Variants in PIGT observed in about 807,000 individuals in gnomAD.
PIGT encodes the protein GPI-anchor transamidase component PIGT.
PIGT carries 57 observed loss-of-function variants against 66.7 expected under a neutral mutation model. That is an observed-to-expected ratio of 0.86 (90% CI 0.69 to 1.07). The LOEUF (loss-of-function observed/expected upper bound fraction) is 1.07. Ranked by LOEUF, PIGT falls within the 50% of genes least tolerant of loss-of-function variation. The pLI, the probability that PIGT is intolerant of heterozygous loss-of-function variation, is 0.00. For synonymous variants in PIGT, 362 were observed against 320.5 expected (o/e 1.13, Z -1.38); for missense variants, 725 against 740.4 (o/e 0.98, Z 0.24).
chr20:45,416,400 G>T, intron 1 of PIGT, 57 bp downstream of exon 1: 1 of 1,550,000 alleles, frequency 6.5e-7, no homozygotes. Flanking sequence ...TGGCTGGCCG[G>T]CCGTGGGATG....
chr20:45,419,215 G>A, intron 3 of PIGT, 80 bp from the exon 4 acceptor site: 1 of 1,243,688 alleles, frequency 8.0e-7, no homozygotes, highest in Non-Finnish European at 1.2e-6. Flanking sequence ...GGAGCAGGAG[G>A]GTCATTCCCA....
Position 45,425,865 on chromosome 20 carries a change from C to T in PIGT, c.*39C>T. On this transcript the variant is annotated 3_prime_UTR_variant, in exon 12 of 12. Transcript: ENST00000279036. Reference sequence around the variant, plus strand: ...CAGCAGCTGCAGCTGCCGTTTCTCTCTGGGGAGGGGAGCCCAAGGGCTGTT... The same window carrying T: ...CAGCAGCTGCAGCTGCCGTTTCTCTTTGGGGAGGGGAGCCCAAGGGCTGTT... 1 of 1,599,462 alleles carries T rather than the reference C, an allele frequency of 6.3e-7. No homozygotes were observed.
At position 45,421,410 on chromosome 20, in the gene PIGT, C is replaced by T. The variant is rs146896700; in HGVS notation, c.1061C>T (p.Ala354Val). The change falls in exon 9 of 12, where the codon GCC becomes GTC. Residue 354 changes from alanine (A) to valine (V), a missense_variant. Physicochemically the swap from Ala to Val is moderately conservative, Grantham distance 64 (BLOSUM62 0). Around this residue, in one of 3 missense-constraint regions of PIGT, gnomAD observed 559 missense variants for 552.7 expected, o/e 1.01. Coordinates refer to ENST00000279036, the MANE Select transcript of PIGT (RefSeq NM_015937.6). ...GCCCCCCCAGTGCCCTTCCTGCATGCCCAGCGGTACGTGAGTGGCTATGGG... is the reference window on the plus strand; with the variant it reads ...GCCCCCCCAGTGCCCTTCCTGCATGTCCAGCGGTACGTGAGTGGCTATGGG... ...NEAPPVPFLH[A>V]QRYVSGYGLQ... 5.8e-4 allele frequency: 938 copies of T among 1,614,084 alleles called. 5 individuals carry two copies. The African/African-American group carries it at 0.011, about 19-fold the overall frequency.
intron 8 of PIGT, 167 bp from the exon 9 acceptor site, chr20:45,421,216 G>C (rs1339333303): frequency 3.3e-6 from 2 of 614,716 alleles, no homozygotes; most frequent in Non-Finnish European, 5.7e-6. Flanking sequence ...TCGCTTGTTG[G>C]CTGGGGAAGA....
intron 2 of PIGT, 101 bp from the exon 3 acceptor site, chr20:45,418,751 T>C (rs1184624708): frequency 2.1e-6 from 3 of 1,446,390 alleles, no homozygotes; most frequent in Non-Finnish European, 2.9e-6. Flanking sequence ...TAGTTAAGAA[T>C]ACAGCCTCCT....
Position 45,420,534 on chromosome 20 carries a change from G to A in PIGT, c.874G>A (p.Glu292Lys), listed in dbSNP as rs529038853. The change falls in exon 8 of 12, where the codon GAG (glutamate) becomes AAG (lysine). Residue 292 changes from glutamate to lysine, a missense_variant. Physicochemically the swap from Glu to Lys is moderately conservative, Grantham distance 56. Transcript: ENST00000279036. ...CCTGCCTTTGTGTCCCCAGGACAAC[G>A]AGACATTAGAGGTGCACCCACCCCC... ...VDITTYNQDN[E>K]TLEVHPPPTT... 9.9e-6 allele frequency: 16 copies of A among 1,613,802 alleles called. No individual in the cohort carries two copies. The highest frequency in any genetic ancestry group is 2.7e-5 in the African/African-American group (2 of 74,906).
chr20:45,421,590 A>G lies in PIGT; in HGVS notation c.1234+7A>G, dbSNP rs1362621530. ...GGCAAGGAGAACAAACCAAGTGAGGACCTGAGTCCTGAACCAGGCCCCCAG... is the reference window on the plus strand; with the variant it reads ...GGCAAGGAGAACAAACCAAGTGAGGGCCTGAGTCCTGAACCAGGCCCCCAG... On this transcript the variant is annotated splice_region_variant and intron_variant, in intron 9 of 11. Transcript: ENST00000279036. 6.2e-7 allele frequency: 1 copy of G among 1,613,194 alleles called. No homozygotes were observed. The highest frequency in any genetic ancestry group is 8.5e-7 in the Non-Finnish European group (1 of 1,179,326).
intron 9 of PIGT, chr20:45,422,547 A>C (rs6032173): frequency 0.21 from 31,841 of 151,510 alleles, 3,618 homozygotes; most frequent in East Asian, 0.45. Context: ...GCTCGGCTCA[A>C]GCAATCCTCC....
intron 11 of PIGT, 72 bp downstream of exon 11, chr20:45,424,651 C>T: frequency 8.7e-7 from 1 of 1,153,842 alleles, no homozygotes; most frequent in Non-Finnish European, 1.3e-6. Flanking sequence ...TGACCAGGCT[C>T]CTGCAGGGGA....
At chr20:45,421,327 G>C in intron 8 of PIGT, 56 bp from the exon 9 acceptor site, 1 of 1,472,982 alleles carries the variant, frequency 6.8e-7, no homozygotes. Context: ...GGCAGGTGGG[G>C]TGGGGAGTGA....
rs748215362 is a variant in PIGT at position 45,420,662 on chromosome 20, C to T, written c.1002C>T (p.Ile334=). ...AMINNSRNLN[I]QLKWKRPPEN... is the part of the protein sequence containing the mutation. ...TCAACAACTCTCGAAACCTCAACAT[C>T]CAGCTCAAGTGGAAGAGACCCCCAG... is the stretch of plus-strand genomic sequence containing the variant. Residue 334 remains isoleucine, a synonymous_variant, in exon 8 of 12, where the codon ATC becomes ATT. Coordinates refer to ENST00000279036, the MANE Select transcript of PIGT (RefSeq NM_015937.6). 2.5e-6 allele frequency: 4 copies of T among 1,613,824 alleles called. No homozygotes were observed. In the Admixed American group the frequency reaches 5.0e-5, roughly 20 times the overall value.
In PIGT at chr20:45,420,461, C is replaced by T. The variant is rs1375973972; in HGVS notation, c.867+32C>T. On this transcript the variant is annotated intron_variant, in intron 7 of 11. Transcript: ENST00000279036. ...AGGTCTCCAGCCACACACACAAACACACCGCTGGTCCCCAGGACCAGCCTA... is the reference window on the plus strand; with the variant it reads ...AGGTCTCCAGCCACACACACAAACATACCGCTGGTCCCCAGGACCAGCCTA... 3 of 1,610,146 alleles carry T rather than the reference C, an allele frequency of 1.9e-6. No homozygotes were observed. In the South Asian group the frequency reaches 3.3e-5, roughly 18 times the overall value.
At chr20:45,423,258 G>T (rs1990494525) in intron 9 of PIGT, 1 of 151,602 alleles carries the variant, frequency 6.6e-6, no homozygotes, top group African/African-American at 2.4e-5. Context: ...TAGAGATGCG[G>T]TTTCACTGTG....
At chr20:45,418,440 C>G in intron 2 of PIGT, 2 of 261,646 alleles carry the variant, frequency 7.6e-6, no homozygotes, top group Non-Finnish European at 1.5e-5. Context: ...AGCCATCTCC[C>G]AGGAGGGACC....
intron 8 of PIGT, chr20:45,421,083 A>G (rs1199847678): frequency 5.7e-6 from 3 of 521,920 alleles, no homozygotes; most frequent in Non-Finnish European, 1.0e-5. Flanking sequence ...AATTAATTAC[A>G]GTTGTGTTCA....
Position 45,420,163 on chromosome 20 carries a change from G to C in PIGT, c.709G>C (p.Glu237Gln), listed in dbSNP as rs768580788. 28 of 1,612,610 alleles carry C rather than the reference G, an allele frequency of 1.7e-5. No homozygotes were observed. The South Asian group carries it at 3.0e-4, about 17-fold the overall frequency. ...RNARCTSISW[E>Q]LRQTLSVVFD... ...TGCACGCTGTACTAGCATCTCCTGG[G>C]AGCTGAGGCAGACCCTGTCAGTTGT... Residue 237 changes from glutamate to glutamine, a missense_variant, in exon 6 of 12, where the codon GAG becomes CAG. Glu to Gln is a conservative substitution (Grantham distance 29, BLOSUM62 2). This residue lies in a region of PIGT where 559 missense variants were observed against 552.7 expected (regional missense o/e 1.01). Coordinates refer to ENST00000279036, the MANE Select transcript of PIGT (RefSeq NM_015937.6).
intron 6 of PIGT, 51 bp downstream of exon 6, chr20:45,420,274 A>G (rs768633876): frequency 1.9e-6 from 3 of 1,588,912 alleles, no homozygotes; most frequent in Non-Finnish European, 8.6e-7. Context: ...GCCCTGCCTT[A>G]TCTATGTGGA....
Position 45,416,335 on chromosome 20 carries a change from G to A in PIGT, c.179G>A (p.Arg60Gln), listed in dbSNP as rs1183470026. The A allele has an allele frequency of 1.3e-6, 2 of 1,587,180 alleles. No homozygotes were observed. Among genetic ancestry groups the A allele is most frequent in the African/African-American group, 1.3e-5 (1 of 74,480 alleles). Reference protein sequence around the residue: ...FRTRWDSELQREGVSHYRLFP... With the variant: ...FRTRWDSELQQEGVSHYRLFP... ...ACGCGCTGGGATTCGGAGCTTCAGC[G>A]GGAAGGAGGTGAGGGCGCGAGATCT... Residue 60 changes from arginine to glutamine, a missense_variant, in exon 1 of 12, where the codon CGG (arginine) becomes CAG (glutamine). Coordinates refer to ENST00000279036, the MANE Select transcript of PIGT (RefSeq NM_015937.6).
intron 9 of PIGT, chr20:45,423,838 G>A (rs1232368576): frequency 1.2e-5 from 3 of 247,670 alleles, no homozygotes; most frequent in Non-Finnish European, 2.4e-5. Context: ...CTTGTGTGTT[G>A]GTGGTTAGAT....
Sources: allele counts gnomAD v4.1 joint callset, GRCh38; gene constraint gnomAD v4.1.1; regional missense constraint gnomAD v4.1.1; transcripts MANE v1.5; gene names NCBI Gene and HGNC (gene_info 2026-07-23, HGNC 2026-07-21).